The following C13orf42 variants were observed in gnomAD, a reference collection of about 807,000 sequenced individuals.
C13orf42 encodes the protein chromosome 13 open reading frame 42, also known as uncharacterized protein C13orf42.
intron 1 of C13orf42, among the ~76,000 whole-genome samples, chr13:51,167,815 T>C (rs1166380259): frequency 6.6e-6 from 1 of 152,242 alleles, no homozygotes; most frequent in Middle Eastern, 3.2e-3. Context: ...CCAGGTATGA[T>C]GGAAGATAAC....
chr13:51,138,564 A>G (rs1566136656), intron 1 of C13orf42, among the ~76,000 whole-genome samples: 1 of 152,196 alleles, frequency 6.6e-6, no homozygotes, highest in Non-Finnish European at 1.5e-5. Flanking sequence ...AAAAAGAAAA[A>G]AAGAAAAGAA....
intron 1 of C13orf42, among the ~76,000 whole-genome samples, chr13:51,122,930 G>A (rs954402835): frequency 5.3e-5 from 8 of 152,136 alleles, no homozygotes; most frequent in Non-Finnish European, 8.8e-5. Flanking sequence ...ACCAAGAGGC[G>A]GGGGCAGTGC....
chr13:51,091,838 G>A (rs1953182846), intron 1 of C13orf42, among the ~76,000 whole-genome samples: 1 of 152,120 alleles, frequency 6.6e-6, no homozygotes, highest in Non-Finnish European at 1.5e-5. Flanking sequence ...TCTCCATGAT[G>A]ACAAGAACAC....
chr13:51,142,595 T>TA (rs34706510), intron 1 of C13orf42, among the ~76,000 whole-genome samples: 51 of 141,666 alleles, frequency 3.6e-4, no homozygotes, highest in African/African-American at 7.8e-4. Context: ...CATTTCTGCT[T>TA]AAAAAAAAAA....
At chr13:51,121,137 A>C (rs1953531824) in intron 1 of C13orf42, among the ~76,000 whole-genome samples, 1 of 152,214 alleles carries the variant, frequency 6.6e-6, no homozygotes, top group African/African-American at 2.4e-5. Context: ...GGTTGAGAGC[A>C]GGATAGAGTT....
In C13orf42 at chr13:51,092,434, A is replaced by G. The variant is rs1953189536; in HGVS notation, c.415-4359T>C. 2.0e-5 allele frequency among the ~76,000 whole-genome samples: 3 copies of G among 152,026 alleles called. No homozygotes were observed. The South Asian group carries it at 6.2e-4, about 31-fold the overall frequency. The stretch of plus-strand genomic sequence containing the variant: ...ACAATATCTCATCTAAAATTTCCGG[A>G]TTTGGTTTATTTAAAGTGATCTAGG... On this transcript the variant is annotated intron_variant, in intron 1 of 3. Transcript: ENST00000563710.
At chr13:51,091,204 G>C (rs1953176867) in intron 1 of C13orf42, among the ~76,000 whole-genome samples, 1 of 152,220 alleles carries the variant, frequency 6.6e-6, no homozygotes, top group South Asian at 2.1e-4. Flanking sequence ...TCAATACATG[G>C]TCATTATAAA....
At chr13:51,153,639 T>TTC (rs1953802134) in intron 1 of C13orf42, among the ~76,000 whole-genome samples, 2 of 124,940 alleles carry the variant, frequency 1.6e-5, no homozygotes, top group African/African-American at 7.1e-5. Context: ...TCTTTTTTTT[T>TTC]TTTTTTTTTT....
chr13:51,142,074 C>T (rs544179199), intron 1 of C13orf42, among the ~76,000 whole-genome samples: 3 of 152,150 alleles, frequency 2.0e-5, no homozygotes, highest in South Asian at 2.1e-4. Context: ...AAATGATCTT[C>T]GCTTATGTAA....
At chr13:51,102,127 G>T (rs1322196438) in intron 1 of C13orf42, among the ~76,000 whole-genome samples, 1 of 152,092 alleles carries the variant, frequency 6.6e-6, no homozygotes, top group Non-Finnish European at 1.5e-5. Flanking sequence ...AATTTTTACT[G>T]CCTTTCAACT....
intron 1 of C13orf42, among the ~76,000 whole-genome samples, chr13:51,107,960 C>CTTCT (rs1379604915): frequency 6.6e-6 from 1 of 152,210 alleles, no homozygotes; most frequent in Non-Finnish European, 1.5e-5. Flanking sequence ...AACTGGGTAG[C>CTTCT]TTCTGTAGCT....
chr13:51,131,819 A>G (rs566076237), intron 1 of C13orf42, among the ~76,000 whole-genome samples: 152 of 152,380 alleles, frequency 1.0e-3, no homozygotes, highest in Non-Finnish European at 1.6e-3. Flanking sequence ...TTATGTTTCA[A>G]GAACTATGGT....
At chr13:51,114,691 C>CAG (rs1953472293), upstream of C13orf42, among the ~76,000 whole-genome samples, 1 of 148,366 alleles carries the variant, frequency 6.7e-6, no homozygotes, top group African/African-American at 2.6e-5. Context: ...GACAGACAGA[C>CAG]AGACAGCTTC....
At chr13:51,168,633 C>T (rs900602485) in intron 1 of C13orf42, among the ~76,000 whole-genome samples, 2 of 152,212 alleles carry the variant, frequency 1.3e-5, no homozygotes, top group Non-Finnish European at 2.9e-5. Context: ...GTCCCCATCA[C>T]CAATGACATG....
chr13:51,091,934 C>T (rs1179912483), intron 1 of C13orf42, among the ~76,000 whole-genome samples: 2 of 152,212 alleles, frequency 1.3e-5, no homozygotes, highest in Non-Finnish European at 2.9e-5. Flanking sequence ...CTCCTCATGT[C>T]TTTGTGTCCT....
chr13:51,119,064 C>G (rs1323580425), intron 1 of C13orf42, among the ~76,000 whole-genome samples: 3 of 150,716 alleles, frequency 2.0e-5, no homozygotes, highest in Non-Finnish European at 4.4e-5. Context: ...ATGGCATGCC[C>G]TGGTGTATGG....
chr13:51,140,302 T>C (rs1953686645), intron 1 of C13orf42, among the ~76,000 whole-genome samples: 1 of 152,194 alleles, frequency 6.6e-6, no homozygotes, highest in African/African-American at 2.4e-5. Context: ...GTCTCATGTC[T>C]CCCTCAATGT....
At chr13:51,118,382 C>T (rs539362089) in intron 1 of C13orf42, among the ~76,000 whole-genome samples, 48 of 152,186 alleles carry the variant, frequency 3.2e-4, no homozygotes, top group Non-Finnish European at 4.6e-4. Flanking sequence ...GAGAGGGGCA[C>T]GACAGGCCTC....
chr13:51,131,585 T>C lies in C13orf42; in HGVS notation n.137-18363A>G, dbSNP rs115120538. Among the ~76,000 whole-genome samples, 483 of 152,322 alleles carry C rather than the reference T, an allele frequency of 3.2e-3. 3 individuals carry two copies. Among genetic ancestry groups the C allele is most frequent in the African/African-American group, 0.011 (455 of 41,576 alleles). On this transcript the variant is annotated intron_variant and non_coding_transcript_variant, in intron 1 of 4. Transcript: ENST00000433280. The stretch of plus-strand genomic sequence containing the variant: ...AGAGGAGAGGAAGTTACTCAACTCA[T>C]AGGTATTTGAGGGTACAAATCCATG...
Sources: gnomAD v4.1 joint callset for allele counts (sites outside exome capture counted in the v4.1 genomes callset) on GRCh38, gnomAD v4.1.1 for gene constraint, MANE v1.5 for transcripts, NCBI Gene and HGNC (gene_info 2026-07-23, HGNC 2026-07-21) for gene names.